UBE2V2: variants seen among roughly 807,000 people sequenced by gnomAD.
The protein encoded by UBE2V2 is ubiquitin-conjugating enzyme E2 variant 2.
A neutral mutation model predicts 17.2 loss-of-function variants in UBE2V2; 9 were observed. That is an observed-to-expected ratio of 0.52 (90% CI 0.32 to 0.91). The LOEUF (loss-of-function observed/expected upper bound fraction) is 0.91. Ranked by LOEUF, UBE2V2 falls within the 40% of genes least tolerant of loss-of-function variation. The probability of loss-of-function intolerance (pLI) is 0.04; values close to 1 mark genes in which losing one functional copy is unlikely to be tolerated. For missense variants in UBE2V2, 133 were observed against 182.6 expected, an observed-to-expected ratio of 0.73 and a Z score of 1.56; for synonymous variants, 61 against 57.5, an observed-to-expected ratio of 1.06 and a Z score of -0.28.
At chr8:48,053,172 C>T (rs964020676) in intron 3 of UBE2V2, among the ~76,000 whole-genome samples, 2 of 152,236 alleles carry the variant, frequency 1.3e-5, no homozygotes, top group East Asian at 1.9e-4. Context: ...CATGAGCCAC[C>T]GCACCCAGCC....
At chr8:48,010,399 GTTTTTTTT>G (rs934421477) in intron 1 of UBE2V2, among the ~76,000 whole-genome samples, 1 of 123,000 alleles carries the variant, frequency 8.1e-6, no homozygotes, top group African/African-American at 3.2e-5. Context: ...CCATCTACTA[GTTTTTTTT>G]TTTTTTTTTT....
At chr8:48,056,576 G>T (rs2091573009) in intron 3 of UBE2V2, among the ~76,000 whole-genome samples, 1 of 152,108 alleles carries the variant, frequency 6.6e-6, no homozygotes, top group Non-Finnish European at 1.5e-5. Context: ...AAAGGAAAAG[G>T]AGACAGGGTT....
At chr8:48,031,956 T>C (rs2091386256) in intron 1 of UBE2V2, among the ~76,000 whole-genome samples, 1 of 152,202 alleles carries the variant, frequency 6.6e-6, no homozygotes, top group Non-Finnish European at 1.5e-5. Context: ...TAAATTACAT[T>C]TTTTTCTGCT....
At chr8:48,058,243 T>C (rs1311754047) in intron 3 of UBE2V2, among the ~76,000 whole-genome samples, 1 of 148,182 alleles carries the variant, frequency 6.7e-6, no homozygotes, top group Non-Finnish European at 1.5e-5. Flanking sequence ...CTGAGGCGGG[T>C]GGATCATGAG....
intron 1 of UBE2V2, among the ~76,000 whole-genome samples, chr8:48,022,473 T>C (rs1484012260): frequency 1.3e-5 from 2 of 152,198 alleles, no homozygotes; most frequent in Non-Finnish European, 2.9e-5. Context: ...TACAAATTAT[T>C]GTAGTTACTT....
chr8:48,047,288 G>A (rs932368660), intron 2 of UBE2V2, among the ~76,000 whole-genome samples: 32 of 152,074 alleles, frequency 2.1e-4, no homozygotes, highest in Admixed American at 3.9e-4. Context: ...GGATTTATAT[G>A]ATTAGCAGTT....
At position 48,054,690 on chromosome 8, in the gene UBE2V2, T is replaced by C. The variant is rs62542299; in HGVS notation, c.291+4712T>C. 4.9e-3 allele frequency among the ~76,000 whole-genome samples: 748 copies of C among 152,284 alleles called. 5 individuals carry two copies. In the East Asian group the frequency reaches 0.057, roughly 12 times the overall value. On this transcript the variant is annotated intron_variant, in intron 3 of 3. Coordinates refer to ENST00000523111, the MANE Select transcript of UBE2V2 (RefSeq NM_003350.3). ...GTTCATAGGCATTGATGGTGGGTGTTGCTTTAGTAATTTTAGTTTATACGT... is the reference window on the plus strand; with the variant it reads ...GTTCATAGGCATTGATGGTGGGTGTCGCTTTAGTAATTTTAGTTTATACGT...
At chr8:48,021,987 T>G (rs2091308881) in intron 1 of UBE2V2, among the ~76,000 whole-genome samples, 1 of 151,500 alleles carries the variant, frequency 6.6e-6, no homozygotes, top group Admixed American at 6.6e-5. Flanking sequence ...GCATATAGGT[T>G]TTTGCTTTGT....
At chr8:48,048,728 T>C (rs2091516687) in intron 2 of UBE2V2, among the ~76,000 whole-genome samples, 1 of 152,106 alleles carries the variant, frequency 6.6e-6, no homozygotes, top group East Asian at 1.9e-4. Context: ...AAATCTGACC[T>C]CCATTTGGAT....
At chr8:48,006,789 T>C (rs1589845489), upstream of UBE2V2, among the ~76,000 whole-genome samples, 1 of 152,192 alleles carries the variant, frequency 6.6e-6, no homozygotes, top group East Asian at 1.9e-4. Flanking sequence ...GGAATGTATC[T>C]CAAAATAATA....
chr8:48,020,869 C>T (rs1332456418), intron 1 of UBE2V2, among the ~76,000 whole-genome samples: 1 of 151,604 alleles, frequency 6.6e-6, no homozygotes, highest in African/African-American at 2.4e-5. Flanking sequence ...TCCTGAGTAG[C>T]TAGGAATGCA....
intron 3 of UBE2V2, among the ~76,000 whole-genome samples, chr8:48,052,642 T>TA (rs1585444395): frequency 6.6e-6 from 1 of 152,220 alleles, no homozygotes; most frequent in South Asian, 2.1e-4. Flanking sequence ...TTCTACTTTT[T>TA]AAAATCCCTT....
intron 3 of UBE2V2, among the ~76,000 whole-genome samples, chr8:48,055,948 C>T (rs1019360850): frequency 2.0e-5 from 3 of 151,928 alleles, no homozygotes; most frequent in East Asian, 1.9e-4. Flanking sequence ...TTAGTAGAGA[C>T]GGGGTTTCAC....
chr8:48,016,749 T>C (rs2091271617), intron 1 of UBE2V2, among the ~76,000 whole-genome samples: 1 of 151,282 alleles, frequency 6.6e-6, no homozygotes, highest in Non-Finnish European at 1.5e-5. Flanking sequence ...CCCAAGGTAC[T>C]GGGATTACAG....
chr8:48,055,087 T>C (rs2091563082), intron 3 of UBE2V2, among the ~76,000 whole-genome samples: 1 of 152,196 alleles, frequency 6.6e-6, no homozygotes, highest in Non-Finnish European at 1.5e-5. Context: ...TGGAATCTAT[T>C]TAAAATAGGC....
At chr8:48,036,545 T>C (rs993293950) in intron 1 of UBE2V2, among the ~76,000 whole-genome samples, 1 of 151,838 alleles carries the variant, frequency 6.6e-6, no homozygotes, top group Non-Finnish European at 1.5e-5. Context: ...GAAATTCTCC[T>C]TCCTCAGCCT....
upstream of UBE2V2, among the ~76,000 whole-genome samples, chr8:48,006,747 T>G (rs986479487): frequency 6.6e-6 from 1 of 152,174 alleles, no homozygotes; most frequent in Non-Finnish European, 1.5e-5. Context: ...CAGCCCTTCA[T>G]GCTAAAAACT....
chr8:48,058,016 A>G (rs2091583723), intron 3 of UBE2V2, among the ~76,000 whole-genome samples: 1 of 152,106 alleles, frequency 6.6e-6, no homozygotes, highest in South Asian at 2.1e-4. Context: ...GAACCTCTCC[A>G]GTACAATGTT....
upstream of UBE2V2, among the ~76,000 whole-genome samples, chr8:48,006,616 G>A (rs1001252479): frequency 6.6e-6 from 1 of 151,848 alleles, no homozygotes; most frequent in Non-Finnish European, 1.5e-5. Flanking sequence ...TTCATCCCTG[G>A]GATGCAAGGC....
Sources: allele counts gnomAD v4.1 joint callset (sites outside exome capture counted in the v4.1 genomes callset), GRCh38; gene constraint gnomAD v4.1.1; transcripts MANE v1.5; gene names NCBI Gene and HGNC (gene_info 2026-07-23, HGNC 2026-07-21).